LRP1B: variants seen among roughly 807,000 people sequenced by gnomAD.
The protein encoded by LRP1B is LDL receptor related protein 1B, also known as low-density lipoprotein receptor-related protein 1B.
In LRP1B, 217 loss-of-function variants were observed where a neutral mutation model predicts 556.6. The ratio of observed to expected loss-of-function variants is 0.39; its 90% CI spans 0.35 to 0.44. The LOEUF (loss-of-function observed/expected upper bound fraction) is 0.44. LRP1B is among the 20% of genes least tolerant of loss of function. The pLI is 1.00. For missense variants in LRP1B, 5,053 were observed against 5,620.8 expected (o/e 0.90, Z 3.23); for synonymous variants, 2,047 against 1,865.8 (o/e 1.10, Z -2.50).
At chr2:142,098,497 C>T (rs550077743) in intron 1 of LRP1B, among the ~76,000 whole-genome samples, 17 of 151,412 alleles carry the variant, frequency 1.1e-4, no homozygotes, top group South Asian at 4.2e-4. Context: ...AATTCGTTTT[C>T]GAATTAGAGA....
intron 6 of LRP1B, among the ~76,000 whole-genome samples, chr2:141,196,816 G>A (rs887884205): frequency 6.6e-5 from 10 of 152,050 alleles, no homozygotes; most frequent in Admixed American, 1.3e-4. Flanking sequence ...TGGTTTGGGG[G>A]CTTCCTTTTA....
In LRP1B at chr2:140,314,950, C is replaced by G. The variant is rs17386226; in HGVS notation, c.12790G>C (p.Val4264Leu). 0.017 allele frequency: 26,982 copies of G among 1,603,762 alleles called. 308 individuals are homozygous for G. The highest frequency in any genetic ancestry group is 0.029 in the African/African-American group (2,144 of 74,624). ...SNYCQNGGTC[V>L]PSVLGRPTCS... ...AAATATTTACCTAGAACTGATGGTACGCAAGTTCCTCCATTCTGGCAGTAG... is the reference window on the plus strand; with the variant it reads ...AAATATTTACCTAGAACTGATGGTAGGCAAGTTCCTCCATTCTGGCAGTAG... Residue 4264 changes from valine to leucine, a missense_variant, in exon 83 of 91, where the codon GTA becomes CTA. Val to Leu is a conservative substitution (Grantham distance 32, BLOSUM62 1). This residue lies in a region of LRP1B where 551 missense variants were observed against 592.0 expected (regional missense o/e 0.93). Coordinates refer to ENST00000389484, the MANE Select transcript of LRP1B (RefSeq NM_018557.3).
chr2:141,789,604 T>G (rs1035938508), intron 2 of LRP1B, among the ~76,000 whole-genome samples: 2 of 151,978 alleles, frequency 1.3e-5, no homozygotes, highest in Non-Finnish European at 2.9e-5. Context: ...TTTCTTTTCA[T>G]TAAAAAAATT....
At chr2:141,702,301 G>T (rs1382533664) in intron 2 of LRP1B, among the ~76,000 whole-genome samples, 2 of 151,836 alleles carry the variant, frequency 1.3e-5, no homozygotes, top group Non-Finnish European at 2.9e-5. Flanking sequence ...TGAAGTATAA[G>T]GCAATAAGAA....
At chr2:142,084,054 G>A (rs1054900377) in intron 1 of LRP1B, among the ~76,000 whole-genome samples, 5 of 149,516 alleles carry the variant, frequency 3.3e-5, no homozygotes, top group African/African-American at 1.2e-4. Context: ...ATCTTGGCTC[G>A]CTGCAACCTC....
chr2:140,921,915 C>A (rs1694746500), intron 21 of LRP1B, among the ~76,000 whole-genome samples: 2 of 151,926 alleles, frequency 1.3e-5, no homozygotes, highest in Admixed American at 6.6e-5. Flanking sequence ...ACACCTTTTA[C>A]AACTTCTTAT....
At chr2:141,682,399 C>T (rs1489793007) in intron 2 of LRP1B, among the ~76,000 whole-genome samples, 1 of 150,816 alleles carries the variant, frequency 6.6e-6, no homozygotes, top group Non-Finnish European at 1.5e-5. Context: ...TTATAATTAC[C>T]CCATTAATAT....
At chr2:142,127,757 A>G (rs544674041) in intron 1 of LRP1B, among the ~76,000 whole-genome samples, 1 of 152,168 alleles carries the variant, frequency 6.6e-6, no homozygotes, top group East Asian at 1.9e-4. Context: ...TAAAATGACT[A>G]TAACAGCATG....
chr2:140,373,539 G>A (rs187081291), intron 68 of LRP1B, among the ~76,000 whole-genome samples: 10 of 152,208 alleles, frequency 6.6e-5, no homozygotes, highest in African/African-American at 2.4e-4. Flanking sequence ...TACTCTGAGA[G>A]TATCATTATT....
At chr2:140,749,199 G>A (rs1688484421) in intron 35 of LRP1B, among the ~76,000 whole-genome samples, 1 of 152,096 alleles carries the variant, frequency 6.6e-6, no homozygotes, top group Non-Finnish European at 1.5e-5. Flanking sequence ...AGTTGTGGGT[G>A]AGCCAGTGAA....
At chr2:140,979,679 T>C (rs535708534) in intron 18 of LRP1B, among the ~76,000 whole-genome samples, 56 of 152,234 alleles carry the variant, frequency 3.7e-4, no homozygotes, top group African/African-American at 1.3e-3. Context: ...CTACTATAAC[T>C]ATATGTGCAT....
chr2:141,534,997 C>T (rs1685020652), intron 2 of LRP1B, among the ~76,000 whole-genome samples: 1 of 152,112 alleles, frequency 6.6e-6, no homozygotes, highest in Admixed American at 6.6e-5. Flanking sequence ...AGCGTTATGA[C>T]TTCCTTTTTA....
intron 41 of LRP1B, among the ~76,000 whole-genome samples, chr2:140,664,183 A>G (rs566407017): frequency 1.3e-5 from 2 of 152,346 alleles, no homozygotes; most frequent in South Asian, 2.1e-4. Flanking sequence ...AATAAGGAAA[A>G]GACTGAAATA....
chr2:141,103,505 G>A (rs1453979901), intron 7 of LRP1B, among the ~76,000 whole-genome samples: 1 of 89,814 alleles, frequency 1.1e-5, no homozygotes, highest in Non-Finnish European at 2.4e-5. Context: ...TGCAGAAGCT[G>A]GGCCATAGCA....
chr2:140,958,457 T>C (rs560204977), intron 18 of LRP1B, among the ~76,000 whole-genome samples: 1 of 151,660 alleles, frequency 6.6e-6, no homozygotes, highest in Admixed American at 6.6e-5. Context: ...TTAGTACACT[T>C]GAAGAGAGAA....
intron 41 of LRP1B, among the ~76,000 whole-genome samples, chr2:140,619,066 TA>T (rs1377342636): frequency 1.6e-5 from 2 of 125,262 alleles, no homozygotes; most frequent in Non-Finnish European, 3.3e-5. Context: ...ATGGTATGTA[TA>T]TCTATCTACA....
Position 141,567,250 on chromosome 2 carries a change from G to T in LRP1B, c.206-86717C>A, listed in dbSNP as rs193274451. Among the ~76,000 whole-genome samples, 37 of 151,680 alleles carry T rather than the reference G, an allele frequency of 2.4e-4. No individual in the cohort carries two copies. The East Asian group carries it at 7.0e-3, about 29-fold the overall frequency. ...AATTACTTTAGGATTCACAAATTGC[G>T]ATCATTTTTTTTTCCTACTGAAGAC... On this transcript the variant is annotated intron_variant, in intron 2 of 90. Transcript: ENST00000389484.
At chr2:141,969,792 C>A (rs1701675507) in intron 1 of LRP1B, among the ~76,000 whole-genome samples, 1 of 151,458 alleles carries the variant, frequency 6.6e-6, no homozygotes, top group Admixed American at 6.6e-5. Flanking sequence ...ATTAAGATCC[C>A]AGTAGTGGGA....
chr2:140,704,224 G>T (rs1184602431), intron 37 of LRP1B, among the ~76,000 whole-genome samples: 1 of 152,052 alleles, frequency 6.6e-6, no homozygotes, highest in African/African-American at 2.4e-5. Flanking sequence ...AAAAATTAAA[G>T]ACTTATATTT....
Sources: gnomAD v4.1 joint callset for allele counts (sites outside exome capture counted in the v4.1 genomes callset) on GRCh38, gnomAD v4.1.1 for gene constraint, gnomAD v4.1.1 regional missense constraint, MANE v1.5 for transcripts, NCBI Gene and HGNC (gene_info 2026-07-23, HGNC 2026-07-21) for gene names.